The following STIM1 variants were observed in gnomAD, a reference collection of about 807,000 sequenced individuals.
The protein encoded by STIM1 is stromal interaction molecule 1.
A neutral mutation model predicts 74.7 loss-of-function variants in STIM1; 25 were observed. The ratio of observed to expected loss-of-function variants is 0.33; its 90% CI spans 0.24 to 0.47. The LOEUF (loss-of-function observed/expected upper bound fraction) is 0.47. STIM1 is among the 20% of genes least tolerant of loss of function. The pLI, the probability that STIM1 is intolerant of heterozygous loss-of-function variation, is 1.00. For synonymous variants in STIM1, 328 were observed against 348.8 expected (o/e 0.94, Z 0.66); for missense variants, 728 against 920.8 (o/e 0.79, Z 2.71).
chr11:3,895,162 T>C (rs936690042), intron 1 of STIM1, among the ~76,000 whole-genome samples: 12 of 152,166 alleles, frequency 7.9e-5, no homozygotes, highest in Non-Finnish European at 1.5e-4. Flanking sequence ...TGTGGAGCAC[T>C]TGGTGTTCTC....
chr11:3,995,073 TA>T (rs2093651316), intron 2 of STIM1, among the ~76,000 whole-genome samples: 1 of 109,064 alleles, frequency 9.2e-6, no homozygotes, highest in Admixed American at 1.2e-4. Context: ...TTTACCTCTT[TA>T]AAAATCATGA....
chr11:4,028,116 T>A (rs2094013251), intron 3 of STIM1, among the ~76,000 whole-genome samples: 1 of 151,624 alleles, frequency 6.6e-6, no homozygotes, highest in Admixed American at 6.5e-5. Context: ...AGAGTCTCAC[T>A]CTGTAGCCCA....
chr11:4,075,141 C>CA (rs540912639), intron 7 of STIM1, among the ~76,000 whole-genome samples: 14 of 144,478 alleles, frequency 9.7e-5, no homozygotes, highest in South Asian at 2.2e-4. Context: ...ATCTCTGTCT[C>CA]AAAAAAAACA....
At chr11:4,015,058 T>C (rs2093882452) in intron 2 of STIM1, among the ~76,000 whole-genome samples, 1 of 152,246 alleles carries the variant, frequency 6.6e-6, no homozygotes, top group Non-Finnish European at 1.5e-5. Context: ...CATTTAAGGT[T>C]TATATTGTTA....
chr11:4,080,662 C>T (rs1004655642), intron 7 of STIM1, among the ~76,000 whole-genome samples: 3 of 151,990 alleles, frequency 2.0e-5, no homozygotes, highest in Non-Finnish European at 4.4e-5. Context: ...GATGAGGTCT[C>T]GCTGTGTTGC....
At chr11:3,876,610 T>C (rs1036059843) in intron 1 of STIM1, among the ~76,000 whole-genome samples, 1 of 152,182 alleles carries the variant, frequency 6.6e-6, no homozygotes, top group Non-Finnish European at 1.5e-5. Flanking sequence ...GGTTTCACTG[T>C]GTTGCCCAGG....
At chr11:4,069,977 A>C (rs371782400) in intron 5 of STIM1, 49 bp from the exon 6 acceptor site, 1 of 1,604,176 alleles carries the variant, frequency 6.2e-7, no homozygotes, top group Non-Finnish European at 8.5e-7. Flanking sequence ...CTGCAAGGCT[A>C]AGTGTGCAGT....
intron 2 of STIM1, among the ~76,000 whole-genome samples, chr11:4,019,337 A>G (rs2093933746): frequency 6.6e-6 from 1 of 152,176 alleles, no homozygotes; most frequent in South Asian, 2.1e-4. Flanking sequence ...TTTATTTAAA[A>G]ACATTTTTAA....
chr11:4,066,150 C>T (rs1005801935), intron 5 of STIM1, among the ~76,000 whole-genome samples: 30 of 152,192 alleles, frequency 2.0e-4, no homozygotes, highest in Non-Finnish European at 1.0e-4. Flanking sequence ...ATTCTGCCAT[C>T]CTCTGGTTCC....
intron 1 of STIM1, among the ~76,000 whole-genome samples, chr11:3,875,935 G>A (rs570843339): frequency 7.9e-5 from 12 of 152,218 alleles, no homozygotes; most frequent in South Asian, 6.2e-4. Context: ...AAATAAGGAC[G>A]CAACATTCCT....
intron 6 of STIM1, 66 bp downstream of exon 6, chr11:4,070,269 G>T: frequency 6.3e-7 from 1 of 1,594,404 alleles, no homozygotes; most frequent in Non-Finnish European, 8.6e-7. Flanking sequence ...ATTTCCACCT[G>T]GGTGTGAGCC....
At chr11:4,037,541 A>G (rs968665731) in intron 3 of STIM1, among the ~76,000 whole-genome samples, 9 of 152,166 alleles carry the variant, frequency 5.9e-5, no homozygotes, top group African/African-American at 1.9e-4. Flanking sequence ...GAACTGCTTT[A>G]TCCTTCGTGG....
chr11:3,886,971 C>T (rs924245876), intron 1 of STIM1, among the ~76,000 whole-genome samples: 1 of 151,750 alleles, frequency 6.6e-6, no homozygotes, highest in African/African-American at 2.4e-5. Context: ...CCACTGCACT[C>T]CAGCCTGGCG....
chr11:3,861,348 C>T (rs1449371060), intron 1 of STIM1, among the ~76,000 whole-genome samples: 1 of 151,980 alleles, frequency 6.6e-6, no homozygotes, highest in East Asian at 1.9e-4. Context: ...ATTCTCCTGC[C>T]TCAGCCTCCC....
chr11:4,016,123 C>T (rs543510782), intron 2 of STIM1, among the ~76,000 whole-genome samples: 1 of 152,164 alleles, frequency 6.6e-6, no homozygotes, highest in Non-Finnish European at 1.5e-5. Flanking sequence ...GGAGAAGAGG[C>T]GTTCCAGTTT....
intron 1 of STIM1, among the ~76,000 whole-genome samples, chr11:3,917,425 C>G (rs1181105062): frequency 6.7e-6 from 1 of 150,096 alleles, no homozygotes; most frequent in Non-Finnish European, 1.5e-5. Flanking sequence ...GCTGACTTCA[C>G]AGGGTTTCTG....
intron 3 of STIM1, among the ~76,000 whole-genome samples, chr11:4,037,046 T>C (rs1280756266): frequency 1.3e-5 from 2 of 151,766 alleles, no homozygotes; most frequent in African/African-American, 4.8e-5. Context: ...TTTCCTTTCT[T>C]TTCTTTCTTT....
intron 1 of STIM1, chr11:3,947,377 T>G (rs1443531899): frequency 1.3e-5 from 2 of 152,222 alleles, no homozygotes; most frequent in Non-Finnish European, 2.9e-5. Context: ...TTTCAGTCTC[T>G]GCTCAGCTGT....
chr11:4,084,276 C>T (rs1489379999), intron 10 of STIM1, among the ~76,000 whole-genome samples: 2 of 152,188 alleles, frequency 1.3e-5, no homozygotes, highest in East Asian at 1.9e-4. Context: ...GTCCTAGGCC[C>T]ATATTCTGCC....
Sources: allele counts gnomAD v4.1 joint callset (sites outside exome capture counted in the v4.1 genomes callset), GRCh38; gene constraint gnomAD v4.1.1; transcripts MANE v1.5; gene names NCBI Gene and HGNC (gene_info 2026-07-23, HGNC 2026-07-21).